MEIG1: variants seen among roughly 807,000 people sequenced by gnomAD.
MEIG1 encodes the protein meiosis/spermiogenesis associated 1, also known as meiosis expressed gene 1 protein homolog.
A neutral mutation model predicts 11.3 loss-of-function variants in MEIG1; 12 were observed. The observed-to-expected ratio is 1.07, with a 90% confidence interval of 0.68 to 1.73. The LOEUF (loss-of-function observed/expected upper bound fraction) is 1.73, where lower values mean the gene tolerates loss of function less well. Among genes scored for constraint, MEIG1 ranks in the 40% most tolerant of loss-of-function variants. The probability of loss-of-function intolerance (pLI) is 0.00; values close to 1 mark genes in which losing one functional copy is unlikely to be tolerated. For synonymous variants in MEIG1, 41 were observed against 33.2 expected, an observed-to-expected ratio of 1.24 and a Z score of -0.81; for missense variants, 119 against 104.9, an observed-to-expected ratio of 1.13 and a Z score of -0.59.
chr10:14,982,349 G>A (rs886655609), intron 1 of MEIG1, among the ~76,000 whole-genome samples: 1 of 152,098 alleles, frequency 6.6e-6, no homozygotes, highest in Non-Finnish European at 1.5e-5. Context: ...ATACTCTTGG[G>A]GGTTTTGATA....
At chr10:14,980,363 A>G (rs755155615) in intron 1 of MEIG1, among the ~76,000 whole-genome samples, 5 of 152,030 alleles carry the variant, frequency 3.3e-5, no homozygotes, top group Non-Finnish European at 5.9e-5. Context: ...AGAGTGTACA[A>G]TCTGTGAGGT....
At chr10:14,976,093 C>T (rs1270080218), downstream of MEIG1, among the ~76,000 whole-genome samples, 1 of 152,094 alleles carries the variant, frequency 6.6e-6, no homozygotes, top group African/African-American at 2.4e-5. Context: ...GGGGCGTCCG[C>T]CCCCTTGCGA....
At position 14,966,566 on chromosome 10, in the gene MEIG1, G is replaced by A. The variant is rs757301817; in HGVS notation, c.98G>A (p.Arg33Gln). The A allele has an allele frequency of 6.8e-6, 11 of 1,611,854 alleles. No homozygotes were observed. Among genetic ancestry groups the A allele is most frequent in the Non-Finnish European group, 5.1e-6 (6 of 1,179,214 alleles). ...NLYRFQQAGY[R>Q]DETEYRQVKQ... The stretch of plus-strand genomic sequence containing the variant: ...TACAGATTTCAACAAGCAGGATATC[G>A]GGATGAAACCGAATATAGACAAGTG... Residue 33 changes from arginine (R) to glutamine (Q), a missense_variant, in exon 2 of 3, where the codon CGG (arginine) becomes CAG (glutamine). Coordinates refer to ENST00000407572, the MANE Select transcript of MEIG1 (RefSeq NM_001080836.3).
chr10:14,964,636 CTT>C (rs35249492), intron 1 of MEIG1, among the ~76,000 whole-genome samples: 5 of 49,218 alleles, frequency 1.0e-4, no homozygotes, highest in Admixed American at 3.4e-4. Flanking sequence ...TATATGTATA[CTT>C]TTTTTTTTTT....
chr10:14,971,483 T>C (rs1197916673), intron 2 of MEIG1, among the ~76,000 whole-genome samples: 1 of 151,730 alleles, frequency 6.6e-6, no homozygotes, highest in African/African-American at 2.4e-5. Context: ...GTTGAGGCTG[T>C]AGTGAGCTAT....
At chr10:14,978,533 G>A (rs951392526) in intron 1 of MEIG1, among the ~76,000 whole-genome samples, 28 of 151,788 alleles carry the variant, frequency 1.8e-4, no homozygotes, top group African/African-American at 6.5e-4. Flanking sequence ...ATATGAGAGG[G>A]ATATTAGCAC....
intron 1 of MEIG1, among the ~76,000 whole-genome samples, chr10:14,961,957 G>A (rs7096980): frequency 0.094 from 14,270 of 151,702 alleles, 1,392 homozygotes; most frequent in East Asian, 0.32. Flanking sequence ...ACAGTCATGG[G>A]CCACCACACC....
chr10:14,986,429 A>T (rs1011859449), intron 1 of MEIG1, among the ~76,000 whole-genome samples: 4 of 152,210 alleles, frequency 2.6e-5, no homozygotes, highest in Non-Finnish European at 5.9e-5. Context: ...AACCATCTGG[A>T]ATTGTGCAAG....
intron 1 of MEIG1, among the ~76,000 whole-genome samples, chr10:14,963,925 C>T (rs934429058): frequency 3.3e-5 from 5 of 151,960 alleles, no homozygotes; most frequent in African/African-American, 4.8e-5. Context: ...AGTGAAACCC[C>T]GTCTCTACTA....
downstream of MEIG1, among the ~76,000 whole-genome samples, chr10:14,973,910 T>C (rs1278487101): frequency 2.6e-5 from 4 of 152,188 alleles, no homozygotes; most frequent in East Asian, 1.9e-4. Context: ...TTTACATTTG[T>C]AAAGTGAAGA....
At chr10:14,964,607 ATAC>A in intron 1 of MEIG1, among the ~76,000 whole-genome samples, 1 of 93,072 alleles carries the variant, frequency 1.1e-5, no homozygotes, top group African/African-American at 4.0e-5. Flanking sequence ...ATATATATAT[ATAC>A]ACACACACAC....
At chr10:14,965,536 G>C (rs1038702616) in intron 1 of MEIG1, among the ~76,000 whole-genome samples, 1 of 152,118 alleles carries the variant, frequency 6.6e-6, no homozygotes, top group African/African-American at 2.4e-5. Context: ...CAAAAGATCA[G>C]GTACTACAGT....
intron 1 of MEIG1, among the ~76,000 whole-genome samples, chr10:14,962,541 G>GGCAAAATTTT (rs1159763975): frequency 3.9e-5 from 6 of 152,142 alleles, no homozygotes; most frequent in African/African-American, 7.2e-5. Flanking sequence ...GCATTTTTAT[G>GGCAAAATTTT]TATAGTTGCC....
downstream of MEIG1, among the ~76,000 whole-genome samples, chr10:14,975,415 T>C (rs935626506): frequency 6.6e-6 from 1 of 151,464 alleles, no homozygotes; most frequent in Non-Finnish European, 1.5e-5. Flanking sequence ...TGGCAGGGGG[T>C]CTACATCCAG....
chr10:14,963,060 C>A (rs1843034249), intron 1 of MEIG1, among the ~76,000 whole-genome samples: 2 of 152,006 alleles, frequency 1.3e-5, no homozygotes, highest in South Asian at 4.1e-4. Flanking sequence ...CCGTCCTGTC[C>A]TGAAAGTATT....
chr10:14,963,645 C>A (rs977365800), intron 1 of MEIG1, among the ~76,000 whole-genome samples: 4 of 152,008 alleles, frequency 2.6e-5, no homozygotes, highest in Admixed American at 6.6e-5. Context: ...GCCAGGTGTT[C>A]CAAATTTTAC....
At chr10:14,986,721 G>A (rs1288683793) in intron 1 of MEIG1, 1 of 306,334 alleles carries the variant, frequency 3.3e-6, no homozygotes, top group Non-Finnish European at 6.3e-6. Flanking sequence ...GCGCTTCTTG[G>A]GCCTCGGCCC....
At chr10:14,963,853 T>C (rs1843044826) in intron 1 of MEIG1, among the ~76,000 whole-genome samples, 2 of 152,028 alleles carry the variant, frequency 1.3e-5, no homozygotes, top group Non-Finnish European at 2.9e-5. Flanking sequence ...AATCCCAGCC[T>C]TTTGGGGGGC....
At chr10:14,962,648 A>G (rs973071621) in intron 1 of MEIG1, among the ~76,000 whole-genome samples, 3 of 152,178 alleles carry the variant, frequency 2.0e-5, no homozygotes, top group Admixed American at 1.3e-4. Flanking sequence ...GCCTAAAGCA[A>G]AAAGGGCATA....
Sources: gnomAD v4.1 joint callset for allele counts (sites outside exome capture counted in the v4.1 genomes callset) on GRCh38, gnomAD v4.1.1 for gene constraint, MANE v1.5 for transcripts, NCBI Gene and HGNC (gene_info 2026-07-23, HGNC 2026-07-21) for gene names.